The following STK33 variants were observed in gnomAD, a reference collection of about 807,000 sequenced individuals.
The protein encoded by STK33 is serine/threonine kinase 33.
A neutral mutation model predicts 58.0 loss-of-function variants in STK33; 52 were observed. The ratio of observed to expected loss-of-function variants is 0.90; its 90% confidence interval spans 0.72 to 1.13. The LOEUF (loss-of-function observed/expected upper bound fraction) is 1.13. STK33 is among the 50% of genes most tolerant of loss of function. The probability of loss-of-function intolerance (pLI) is 0.00; values close to 1 mark genes in which losing one functional copy is unlikely to be tolerated. For missense variants in STK33, 630 were observed against 604.2 expected, an observed-to-expected ratio of 1.04 and a Z score of -0.45; for synonymous variants, 215 against 200.1, an observed-to-expected ratio of 1.07 and a Z score of -0.63.
At chr11:8,397,909 G>A (rs879608100) in intron 15 of STK33, among the ~76,000 whole-genome samples, 1 of 152,088 alleles carries the variant, frequency 6.6e-6, no homozygotes, top group Non-Finnish European at 1.5e-5. Flanking sequence ...GAAGTTTAGA[G>A]AAAAAAGAAT....
At chr11:8,463,483 C>T (rs1326582543) in intron 7 of STK33, among the ~76,000 whole-genome samples, 1 of 152,118 alleles carries the variant, frequency 6.6e-6, no homozygotes, top group African/African-American at 2.4e-5. Flanking sequence ...CCTAACAGGC[C>T]ACGGACAGGT....
intron 1 of STK33, among the ~76,000 whole-genome samples, chr11:8,522,709 C>G (rs1331925499): frequency 6.6e-6 from 1 of 152,042 alleles, no homozygotes; most frequent in Non-Finnish European, 1.5e-5. Context: ...AAGCAGTCAG[C>G]AAAACAAAAA....
At chr11:8,401,405 T>C (rs1156543865) in intron 15 of STK33, among the ~76,000 whole-genome samples, 5 of 152,332 alleles carry the variant, frequency 3.3e-5, no homozygotes, top group African/African-American at 4.8e-5. Context: ...CTGGGAAAAC[T>C]GGTTAGCCAT....
At chr11:8,337,633 G>C in the STK33 span, among the ~76,000 whole-genome samples, 2 of 108,160 alleles carry the variant, frequency 1.8e-5, no homozygotes, top group Admixed American at 8.3e-5. Flanking sequence ...GGAGCTTGAC[G>C]ACGGCGGGGG....
chr11:8,461,711 G>C (rs1947541812), intron 8 of STK33, 94 bp downstream of exon 8: 1 of 943,096 alleles, frequency 1.1e-6, no homozygotes. Context: ...AAGGACATGA[G>C]CAACTGTGCC....
At chr11:8,576,163 G>A (rs1958165655) in intron 1 of STK33, among the ~76,000 whole-genome samples, 1 of 152,114 alleles carries the variant, frequency 6.6e-6, no homozygotes, top group African/African-American at 2.4e-5. Flanking sequence ...GACTGAATGG[G>A]GAGTTGAAAA....
the STK33 span, among the ~76,000 whole-genome samples, chr11:8,369,295 C>CTGTGTGTGTGTGTGTGTGTGTGTGTG: frequency 3.6e-5 from 5 of 137,748 alleles, no homozygotes; most frequent in African/African-American, 1.4e-4. Flanking sequence ...GGTTTTTACT[C>CTGTGTGTGTGTGTGTGTGTGTGTGTG]TGTGTGTGTG....
chr11:8,456,292 T>G (rs1946853493), intron 9 of STK33, among the ~76,000 whole-genome samples: 1 of 152,226 alleles, frequency 6.6e-6, no homozygotes, highest in Admixed American at 6.5e-5. Context: ...ATATTGCTCC[T>G]TCAGTGAATT....
intron 15 of STK33, among the ~76,000 whole-genome samples, chr11:8,396,251 A>C (rs1487777457): frequency 1.3e-5 from 2 of 152,162 alleles, no homozygotes; most frequent in African/African-American, 4.8e-5. Context: ...TTGCAGGTAC[A>C]CACCACCACA....
intron 1 of STK33, among the ~76,000 whole-genome samples, chr11:8,523,609 G>A (rs557988529): frequency 5.4e-4 from 82 of 151,714 alleles, no homozygotes; most frequent in African/African-American, 1.9e-3. Flanking sequence ...CAGCCTCCCC[G>A]TCTGGGAAGT....
At chr11:8,537,677 C>T (rs1955146028) in intron 1 of STK33, among the ~76,000 whole-genome samples, 1 of 151,722 alleles carries the variant, frequency 6.6e-6, no homozygotes, top group Non-Finnish European at 1.5e-5. Flanking sequence ...GAGGCCAAGG[C>T]AGGCAGATCA....
In STK33 at chr11:8,476,691, C is replaced by T. The variant is rs1046305294; in HGVS notation, c.-166G>A. 2.0e-5 allele frequency: 3 copies of T among 152,214 alleles called. No homozygotes were observed. Among genetic ancestry groups the T allele is most frequent in the African/African-American group, 7.2e-5 (3 of 41,432 alleles). The allele number at this position is 152,214 out of a possible 1,614,324, so 9.4% of individuals were successfully genotyped here. On this transcript the variant is annotated 5_prime_UTR_variant, in exon 4 of 16. Coordinates refer to ENST00000687296, the MANE Select transcript of STK33 (RefSeq NM_001352389.2). ...CCATGCCCTCTCCCCCCTTACCTTG[C>T]TTTGTTTTTCTTCATGCCACTTATC...
At chr11:8,396,248 T>C (rs1849319678) in intron 15 of STK33, among the ~76,000 whole-genome samples, 1 of 152,166 alleles carries the variant, frequency 6.6e-6, no homozygotes, top group Admixed American at 6.5e-5. Flanking sequence ...GGATTGCAGG[T>C]ACACACCACC....
At chr11:8,343,426 G>T in the STK33 span, among the ~76,000 whole-genome samples, 1 of 152,252 alleles carries the variant, frequency 6.6e-6, no homozygotes, top group East Asian at 1.9e-4. Flanking sequence ...GGCACGATGA[G>T]TTCTGAGGTG....
chr11:8,382,954 A>G, the STK33 span, among the ~76,000 whole-genome samples: 53,839 of 152,024 alleles, frequency 0.35, 10,061 homozygotes, highest in East Asian at 0.57. Context: ...CAGTCACTGA[A>G]AGTCCACCAC....
intron 8 of STK33, among the ~76,000 whole-genome samples, chr11:8,461,268 C>A (rs563752885): frequency 6.6e-6 from 1 of 152,258 alleles, no homozygotes; most frequent in South Asian, 2.1e-4. Context: ...GGCAGAATGG[C>A]AAATAATCCA....
the STK33 span, among the ~76,000 whole-genome samples, chr11:8,381,897 A>T: frequency 1.3e-5 from 2 of 152,144 alleles, no homozygotes; most frequent in African/African-American, 4.8e-5. Context: ...CCAGATAGGA[A>T]ACAGACACGT....
At position 8,392,323 on chromosome 11, in the gene STK33, T is replaced by A; in HGVS notation, c.*187A>T. On this transcript the variant is annotated 3_prime_UTR_variant, in exon 16 of 16. Coordinates refer to ENST00000687296, the MANE Select transcript of STK33 (RefSeq NM_001352389.2). Reference sequence around the variant, plus strand: ...TACTGGTGGCTGTCCTTTAATGCCATGTGCAGCTTATGCTGCTTTGGAGAT... The same window carrying A: ...TACTGGTGGCTGTCCTTTAATGCCAAGTGCAGCTTATGCTGCTTTGGAGAT... 1 of 679,654 alleles carries A rather than the reference T, an allele frequency of 1.5e-6. No homozygotes were observed. Among genetic ancestry groups the A allele is most frequent in the Admixed American group, 2.8e-5 (1 of 35,420 alleles). The allele number at this position is 679,654 out of a possible 1,614,324, so 42.1% of individuals were successfully genotyped here.
chr11:8,395,474 T>C (rs1405357171), intron 15 of STK33, among the ~76,000 whole-genome samples: 1 of 152,234 alleles, frequency 6.6e-6, no homozygotes, highest in Non-Finnish European at 1.5e-5. Context: ...ACCCAGTATG[T>C]CTTTATTAGC....
Sources: allele counts gnomAD v4.1 joint callset (sites outside exome capture counted in the v4.1 genomes callset), GRCh38; gene constraint gnomAD v4.1.1; transcripts MANE v1.5; gene names NCBI Gene and HGNC (gene_info 2026-07-23, HGNC 2026-07-21).